The following AP1G1 variants were observed in gnomAD, a reference collection of about 807,000 sequenced individuals.
The protein encoded by AP1G1 is AP-1 complex subunit gamma-1.
AP1G1 carries 7 observed loss-of-function variants against 108.3 expected under a neutral mutation model. The observed-to-expected ratio is 0.06, with a 90% CI of 0.04 to 0.12. The LOEUF (loss-of-function observed/expected upper bound fraction) is 0.12. Ranked by LOEUF, AP1G1 falls within the 10% of genes least tolerant of loss-of-function variation. The probability of loss-of-function intolerance (pLI) is 1.00; values close to 1 mark genes in which losing one functional copy is unlikely to be tolerated. For synonymous variants in AP1G1, 379 were observed against 353.5 expected, an observed-to-expected ratio of 1.07 and a Z score of -0.81; for missense variants, 756 against 1,010.7, an observed-to-expected ratio of 0.75 and a Z score of 3.42.
At chr16:71,749,660 T>TTTG (rs1246996513) in intron 15 of AP1G1, among the ~76,000 whole-genome samples, 2 of 152,118 alleles carry the variant, frequency 1.3e-5, no homozygotes, top group Non-Finnish European at 2.9e-5. Context: ...CTGTCTAATA[T>TTTG]TTGTGTCTTT....
chr16:71,745,017 CT>C, intron 19 of AP1G1, 126 bp downstream of exon 19: 1 of 976,538 alleles, frequency 1.0e-6, no homozygotes, highest in Non-Finnish European at 1.5e-6. Flanking sequence ...GAAGATTTGA[CT>C]CTTGCTTCTG....
intron 1 of AP1G1, among the ~76,000 whole-genome samples, chr16:71,803,552 C>G (rs2032883980): frequency 1.3e-5 from 2 of 152,038 alleles, no homozygotes; most frequent in Admixed American, 6.6e-5. Flanking sequence ...AAACTTTAAC[C>G]AGTTTTTCCA....
At position 71,732,972 on chromosome 16, in the gene AP1G1, T is replaced by C. The variant is rs1008357388; in HGVS notation, c.*86A>G. The C allele has an allele frequency of 4.6e-5, 48 of 1,046,722 alleles. No individual in the cohort carries two copies. In the African/African-American group the frequency reaches 6.0e-4, roughly 13 times the overall value. The allele number at this position is 1,046,722 out of a possible 1,614,324, so 64.8% of individuals were successfully genotyped here. A position where few individuals can be genotyped will look rare whatever the true frequency, so the allele number is the denominator to read the frequency against. On this transcript the variant is annotated 3_prime_UTR_variant, in exon 23 of 23. Transcript: ENST00000299980. ...TCAGCTCCTCATGCCCGTGGTACAG[T>C]TGGGGGGGACTTGCCAGCAATCACA...
intron 2 of AP1G1, among the ~76,000 whole-genome samples, chr16:71,785,871 G>C (rs1378093892): frequency 6.6e-6 from 1 of 151,756 alleles, no homozygotes; most frequent in Non-Finnish European, 1.5e-5. Flanking sequence ...AACAGGGCGA[G>C]ACTCCATCTC....
At chr16:71,751,207 G>C (rs896129065) in intron 13 of AP1G1, 2 of 151,354 alleles carry the variant, frequency 1.3e-5, no homozygotes, top group Non-Finnish European at 2.9e-5. Flanking sequence ...AGGAAGGCTG[G>C]ACACAGTGGC....
intron 1 of AP1G1, among the ~76,000 whole-genome samples, chr16:71,796,720 G>A (rs922629977): frequency 1.3e-5 from 2 of 152,110 alleles, no homozygotes; most frequent in Admixed American, 6.6e-5. Flanking sequence ...CCTCTAAGAG[G>A]ACTTAAGTTC....
rs770899514 is a variant in AP1G1 at position 71,764,731 on chromosome 16, C to T, written c.739-5G>A. On this transcript the variant is annotated splice_region_variant and splice_polypyrimidine_tract_variant and intron_variant, in intron 7 of 22. Coordinates refer to ENST00000299980, the MANE Select transcript of AP1G1 (RefSeq NM_001128.6). ...TAATAACCGCAAAATTCGTACCTAA[C>T]GTGCAAAAGATGAGAGGTGTCAACA... 4.4e-6 allele frequency: 7 copies of T among 1,599,414 alleles called. No homozygotes were observed. Among genetic ancestry groups the T allele is most frequent in the South Asian group, 3.4e-5 (3 of 88,046 alleles).
At chr16:71,778,931 A>G (rs1340390600) in intron 2 of AP1G1, among the ~76,000 whole-genome samples, 3 of 152,150 alleles carry the variant, frequency 2.0e-5, no homozygotes, top group African/African-American at 4.8e-5. Flanking sequence ...ACAATCTCAA[A>G]TATTTCAATG....
At chr16:71,769,457 T>C (rs1248644706) in intron 6 of AP1G1, 166 bp downstream of exon 6, 34 of 652,318 alleles carry the variant, frequency 5.2e-5, no homozygotes. Context: ...AGTTCTCACT[T>C]ATATGCCTAA....
chr16:71,801,358 G>C (rs1408500450), intron 1 of AP1G1, among the ~76,000 whole-genome samples: 4 of 149,102 alleles, frequency 2.7e-5, no homozygotes, highest in African/African-American at 9.9e-5. Context: ...GCGTGTCATA[G>C]AGTAATATAA....
intron 17 of AP1G1, among the ~76,000 whole-genome samples, chr16:71,745,987 T>G (rs757764553): frequency 6.6e-6 from 1 of 152,096 alleles, no homozygotes; most frequent in Non-Finnish European, 1.5e-5. Context: ...TGAATGAGAT[T>G]ATTTGTCTTG....
At chr16:71,745,293 A>C (rs750352150) in intron 18 of AP1G1, 23 bp from the exon 19 acceptor site, 7 of 1,613,536 alleles carry the variant, frequency 4.3e-6, no homozygotes, top group Non-Finnish European at 5.9e-6. Flanking sequence ...ACAACACCTC[A>C]ATTCATTATT....
chr16:71,733,644 G>T (rs1400833962), intron 22 of AP1G1, among the ~76,000 whole-genome samples: 3 of 152,118 alleles, frequency 2.0e-5, no homozygotes, highest in Admixed American at 2.0e-4. Flanking sequence ...GGCATTACAG[G>T]CGTGAGCCAC....
intron 12 of AP1G1, 81 bp downstream of exon 12, chr16:71,755,938 C>A (rs1019537197): frequency 4.6e-5 from 69 of 1,499,368 alleles, no homozygotes; most frequent in Admixed American, 1.8e-4. Flanking sequence ...GCCACCGCGC[C>A]CAGCCCCCTC....
chr16:71,736,055 C>G (rs1245439333), intron 21 of AP1G1, among the ~76,000 whole-genome samples: 1 of 127,138 alleles, frequency 7.9e-6, no homozygotes, highest in African/African-American at 3.0e-5. Context: ...TGCTTGAACC[C>G]AGGAGGCAGA....
intron 13 of AP1G1, among the ~76,000 whole-genome samples, chr16:71,752,259 T>G (rs543691557): frequency 2.6e-5 from 4 of 152,332 alleles, no homozygotes; most frequent in Non-Finnish European, 4.4e-5. Context: ...TTGAGCCTCA[T>G]GAAAACTAGG....
rs547952266 is a variant in AP1G1, at chr16:71,778,235, C to T, written c.202-3643G>A. Among the ~76,000 whole-genome samples the T allele has an allele frequency of 1.1e-4, 17 of 152,208 alleles. No homozygotes were observed. In the East Asian group the frequency reaches 1.7e-3, roughly 16 times the overall value. ...ACTCTGCTTCAAAAACAAGCATTTG[C>T]TTTTTGAAGGTGACAAATCTAAGGG... On this transcript the variant is annotated intron_variant, in intron 2 of 22. Coordinates refer to ENST00000299980, the MANE Select transcript of AP1G1 (RefSeq NM_001128.6).
intron 1 of AP1G1, among the ~76,000 whole-genome samples, chr16:71,805,364 A>G (rs1388927490): frequency 6.6e-6 from 1 of 151,314 alleles, no homozygotes; most frequent in African/African-American, 2.4e-5. Flanking sequence ...AGCAGAAATC[A>G]CTGGAATCCA....
At chr16:71,744,779 T>C (rs796076509) in intron 19 of AP1G1, among the ~76,000 whole-genome samples, 13 of 152,240 alleles carry the variant, frequency 8.5e-5, no homozygotes, top group African/African-American at 3.1e-4. Context: ...TTTCACCATG[T>C]TGGCCAGGCT....
Sources: allele counts gnomAD v4.1 joint callset (sites outside exome capture counted in the v4.1 genomes callset), GRCh38; gene constraint gnomAD v4.1.1; transcripts MANE v1.5; gene names NCBI Gene and HGNC (gene_info 2026-07-23, HGNC 2026-07-21).